Variants in NDST4 observed in about 807,000 individuals in gnomAD.
NDST4 encodes N-deacetylase and N-sulfotransferase 4, also known as N-heparan sulfate sulfotransferase 4.
Under a neutral mutation model 100.8 loss-of-function variants are expected in NDST4, and 63 were observed. That is an observed-to-expected ratio of 0.62 (90% CI 0.51 to 0.77). The LOEUF (loss-of-function observed/expected upper bound fraction) is 0.77, where lower values mean the gene tolerates loss of function less well. NDST4 is among the 30% of genes least tolerant of loss of function. The pLI is 0.00. For synonymous variants in NDST4, 377 were observed against 361.8 expected, an observed-to-expected ratio of 1.04 and a Z score of -0.48; for missense variants, 943 against 1,018.4, an observed-to-expected ratio of 0.93 and a Z score of 1.01.
At chr4:114,862,939 T>A (rs1158454850) in intron 7 of NDST4, among the ~76,000 whole-genome samples, 2 of 152,202 alleles carry the variant, frequency 1.3e-5, no homozygotes, top group Non-Finnish European at 2.9e-5. Flanking sequence ...GATTGTCTTT[T>A]TTTGTAACTG....
At chr4:115,009,493 T>G (rs1358999253) in intron 2 of NDST4, among the ~76,000 whole-genome samples, 1 of 125,006 alleles carries the variant, frequency 8.0e-6, no homozygotes, top group Non-Finnish European at 1.7e-5. Context: ...TGTAGAAAGC[T>G]GAAACTGGAT....
intron 2 of NDST4, among the ~76,000 whole-genome samples, chr4:114,982,860 G>C (rs114102056): frequency 0.022 from 3,388 of 152,248 alleles, 137 homozygotes; most frequent in African/African-American, 0.078. Context: ...TCATGGCCCA[G>C]CTTCTCTGTG....
At chr4:114,863,350 A>G (rs550470710) in intron 7 of NDST4, among the ~76,000 whole-genome samples, 1 of 152,330 alleles carries the variant, frequency 6.6e-6, no homozygotes, top group East Asian at 1.9e-4. Flanking sequence ...CAGATTTAGA[A>G]TCCAAATCTG....
intron 6 of NDST4, among the ~76,000 whole-genome samples, chr4:114,927,244 G>T (rs936708998): frequency 2.0e-4 from 30 of 147,722 alleles, no homozygotes; most frequent in South Asian, 8.5e-4. Context: ...GTGTGTGTGT[G>T]TTTTACAATG....
intron 6 of NDST4, among the ~76,000 whole-genome samples, chr4:114,912,730 A>G (rs1382355650): frequency 6.6e-6 from 1 of 152,164 alleles, no homozygotes; most frequent in African/African-American, 2.4e-5. Context: ...AAAATAGTGT[A>G]TCTGAATCCA....
At chr4:114,913,706 T>C (rs1443287526) in intron 6 of NDST4, among the ~76,000 whole-genome samples, 1 of 147,708 alleles carries the variant, frequency 6.8e-6, no homozygotes, top group East Asian at 2.0e-4. Context: ...CAAGAACCCC[T>C]GTGGGTTAAT....
chr4:114,870,471 C>T (rs1724124119), intron 7 of NDST4, among the ~76,000 whole-genome samples: 1 of 152,012 alleles, frequency 6.6e-6, no homozygotes, highest in South Asian at 2.1e-4. Flanking sequence ...ACACTGCATG[C>T]AAGTTAAAAT....
In NDST4 at chr4:114,935,136, A is replaced by G. The variant is rs536056441; in HGVS notation, c.1536+70T>C. 2.2e-5 allele frequency: 27 copies of G among 1,222,772 alleles called. No homozygotes were observed. In the East Asian group the frequency reaches 7.3e-4, roughly 33 times the overall value. 75.7% of individuals were successfully genotyped at this position (1,222,772 alleles called of 1,614,324 possible). A position where few individuals can be genotyped will look rare whatever the true frequency, so the allele number is the denominator to read the frequency against. On this transcript the variant is annotated intron_variant, in intron 6 of 13. Coordinates refer to ENST00000264363, the MANE Select transcript of NDST4 (RefSeq NM_022569.3). The stretch of plus-strand genomic sequence containing the variant: ...AAAGAAAATAAATATGATTTAGTTT[A>G]AAAGACAGGAAAATAAAACACATTT...
At chr4:114,893,776 TG>T (rs1230343998) in intron 6 of NDST4, among the ~76,000 whole-genome samples, 1 of 152,208 alleles carries the variant, frequency 6.6e-6, no homozygotes, top group Admixed American at 6.5e-5. Context: ...TGGCTTTTGT[TG>T]CATTTGCTTT....
intron 2 of NDST4, among the ~76,000 whole-genome samples, chr4:114,978,901 C>T (rs1189476832): frequency 6.6e-6 from 1 of 152,036 alleles, no homozygotes; most frequent in African/African-American, 2.4e-5. Flanking sequence ...TTATTTTATA[C>T]TCTTATTAGG....
intron 2 of NDST4, among the ~76,000 whole-genome samples, chr4:115,036,002 C>A (rs973081187): frequency 6.6e-6 from 1 of 151,856 alleles, no homozygotes; most frequent in African/African-American, 2.4e-5. Flanking sequence ...ATAATTGGGA[C>A]TCTAAGCTTT....
intron 2 of NDST4, among the ~76,000 whole-genome samples, chr4:114,999,445 A>T (rs1450834854): frequency 6.6e-6 from 1 of 152,110 alleles, no homozygotes; most frequent in Non-Finnish European, 1.5e-5. Context: ...ACTTCTTAGG[A>T]TTGATTCTGC....
chr4:114,880,634 TA>T (rs2126200922), intron 6 of NDST4, among the ~76,000 whole-genome samples: 1 of 152,304 alleles, frequency 6.6e-6, no homozygotes, highest in Non-Finnish European at 1.5e-5. Context: ...AAACATTTAT[TA>T]ATGCTTAATA....
intron 6 of NDST4, among the ~76,000 whole-genome samples, chr4:114,891,163 C>G (rs1215492006): frequency 6.6e-6 from 1 of 152,092 alleles, no homozygotes; most frequent in African/African-American, 2.4e-5. Flanking sequence ...ATAATAAACT[C>G]TCAGTTCACA....
At chr4:114,832,818 C>T (rs1402489593) in intron 12 of NDST4, among the ~76,000 whole-genome samples, 3 of 152,200 alleles carry the variant, frequency 2.0e-5, no homozygotes, top group Non-Finnish European at 4.4e-5. Flanking sequence ...GGAACACAGC[C>T]ACCACAAGGT....
chr4:114,937,643 A>G, intron 4 of NDST4, 140 bp from the exon 5 acceptor site: 1 of 643,362 alleles, frequency 1.6e-6, no homozygotes. Context: ...TAGAGGTTTT[A>G]TCTTCGAGCA....
intron 2 of NDST4, among the ~76,000 whole-genome samples, chr4:115,075,710 G>C (rs1011181303): frequency 7.1e-6 from 1 of 141,104 alleles, no homozygotes; most frequent in African/African-American, 2.7e-5. Flanking sequence ...CTTAAACCCA[G>C]GAGGTAGAGG....
intron 7 of NDST4, among the ~76,000 whole-genome samples, chr4:114,856,809 C>T (rs1301615855): frequency 6.6e-6 from 1 of 152,212 alleles, no homozygotes; most frequent in East Asian, 1.9e-4. Context: ...GGATGGAAGA[C>T]AAGCATACAA....
chr4:114,833,844 A>T (rs1228716497), intron 11 of NDST4, 129 bp from the exon 12 acceptor site: 5 of 575,918 alleles, frequency 8.7e-6, no homozygotes, highest in Non-Finnish European at 1.5e-5. Flanking sequence ...TGCCCTACTT[A>T]GAATACATCC....
Sources: allele counts gnomAD v4.1 joint callset (sites outside exome capture counted in the v4.1 genomes callset), GRCh38; gene constraint gnomAD v4.1.1; transcripts MANE v1.5; gene names NCBI Gene and HGNC (gene_info 2026-07-23, HGNC 2026-07-21).